The following PTK2B variants were observed in gnomAD, a reference collection of about 807,000 sequenced individuals.
PTK2B encodes protein tyrosine kinase 2 beta.
In PTK2B, 71 loss-of-function variants were observed where a neutral mutation model predicts 142.9. The ratio of observed to expected loss-of-function variants is 0.50; its 90% CI spans 0.41 to 0.61. PTK2B has a LOEUF of 0.61. Among genes scored for constraint, PTK2B ranks in the 20% least tolerant of loss-of-function variants. PTK2B has a pLI of 0.00. For synonymous variants in PTK2B, 519 were observed against 503.4 expected (o/e 1.03, Z -0.42); for missense variants, 1,105 against 1,320.4 (o/e 0.84, Z 2.53).
At chr8:27,436,188 T>G in intron 14 of PTK2B, 63 bp from the exon 15 acceptor site, 1 of 1,521,274 alleles carries the variant, frequency 6.6e-7, no homozygotes, top group Non-Finnish European at 9.1e-7. Flanking sequence ...CTGCAGACAC[T>G]CAGGTTCCCT....
intron 1 of PTK2B, among the ~76,000 whole-genome samples, chr8:27,366,793 T>C (rs939787093): frequency 1.3e-5 from 2 of 150,868 alleles, no homozygotes; most frequent in African/African-American, 2.4e-5. Flanking sequence ...AAGGGGTGTT[T>C]GTGGCTGTGT....
In PTK2B at chr8:27,451,512, G is replaced by A; in HGVS notation, c.2548+3G>A. On this transcript the variant is annotated splice_donor_region_variant and intron_variant, in intron 27 of 30. Transcript: ENST00000346049. ...GCCAGAGAAGGAGGTCGGCTACCGT[G>A]AGTGTTCCCGCCCTTCTTCGGGGGG... 6.2e-7 allele frequency: 1 copy of A among 1,614,182 alleles called. No homozygotes were observed. The highest frequency in any genetic ancestry group is 8.5e-7 in the Non-Finnish European group (1 of 1,180,028).
At chr8:27,364,077 G>GCTGCAT (rs1369589355) in intron 1 of PTK2B, among the ~76,000 whole-genome samples, 1 of 152,210 alleles carries the variant, frequency 6.6e-6, no homozygotes, top group Admixed American at 6.5e-5. Context: ...CGCTGAAACA[G>GCTGCAT]CTGCATCAGC....
chr8:27,398,769 G>A (rs1808211647), intron 2 of PTK2B, among the ~76,000 whole-genome samples: 1 of 152,224 alleles, frequency 6.6e-6, no homozygotes, highest in African/African-American at 2.4e-5. Context: ...GAAAGCCAGT[G>A]TCCCTAAACT....
intron 1 of PTK2B, among the ~76,000 whole-genome samples, chr8:27,391,178 GCTCCGT>G (rs1239427458): frequency 6.6e-6 from 1 of 151,440 alleles, no homozygotes; most frequent in Non-Finnish European, 1.5e-5. Context: ...CTCACTGCAA[GCTCCGT>G]CTCCCGGGTT....
intron 1 of PTK2B, among the ~76,000 whole-genome samples, chr8:27,342,601 A>G (rs1804471320): frequency 6.6e-6 from 1 of 152,060 alleles, no homozygotes; most frequent in South Asian, 2.1e-4. Context: ...CAGGCTTCCT[A>G]AATTCCCACC....
chr8:27,349,831 A>T (rs1043014800), intron 1 of PTK2B, among the ~76,000 whole-genome samples: 2 of 152,222 alleles, frequency 1.3e-5, no homozygotes, highest in Non-Finnish European at 2.9e-5. Context: ...TGACAAACTG[A>T]GAGGTGATGG....
intron 1 of PTK2B, among the ~76,000 whole-genome samples, chr8:27,344,881 TAGGGAGAG>T (rs1242950811): frequency 6.6e-6 from 1 of 151,814 alleles, no homozygotes; most frequent in Admixed American, 6.6e-5. Flanking sequence ...AGAAGAGTAT[TAGGGAGAG>T]AGGCCGGGCA....
chr8:27,414,789 C>T (rs541265934), intron 2 of PTK2B, among the ~76,000 whole-genome samples: 54 of 152,078 alleles, frequency 3.6e-4, no homozygotes, highest in Non-Finnish European at 6.6e-4. Flanking sequence ...TGCTCACTCC[C>T]CCCTTTGGTT....
chr8:27,431,975 G>A (rs528870369), intron 9 of PTK2B: 1 of 367,592 alleles, frequency 2.7e-6, no homozygotes, highest in East Asian at 4.3e-5. Flanking sequence ...CTTAAAACAT[G>A]TTGAGATTTT....
intron 2 of PTK2B, among the ~76,000 whole-genome samples, chr8:27,410,294 A>G (rs978728122): frequency 2.0e-5 from 3 of 152,190 alleles, no homozygotes; most frequent in African/African-American, 7.2e-5. Context: ...GATGGGGCAG[A>G]GGAAAAAGTT....
intron 1 of PTK2B, among the ~76,000 whole-genome samples, chr8:27,358,954 A>G (rs982051983): frequency 6.6e-6 from 1 of 152,174 alleles, no homozygotes; most frequent in Non-Finnish European, 1.5e-5. Flanking sequence ...GAAGGATTTT[A>G]TGGCACTTTG....
rs1812304671 is a variant in PTK2B, at chr8:27,458,588, G to A, written c.*79G>A. 6.9e-7 allele frequency: 1 copy of A among 1,448,974 alleles called. No homozygotes were observed. Among genetic ancestry groups the A allele is most frequent in the Non-Finnish European group, 9.3e-7 (1 of 1,071,624 alleles). The allele number at this position is 1,448,974 out of a possible 1,614,324, so 89.8% of individuals were successfully genotyped here. A position where few individuals can be genotyped will look rare whatever the true frequency, so the allele number is the denominator to read the frequency against. On this transcript the variant is annotated 3_prime_UTR_variant, in exon 31 of 31. Transcript: ENST00000346049. The stretch of plus-strand genomic sequence containing the variant: ...CCCCTGCCTTGCTGTTGGTCATGTG[G>A]GTCTTCCAGGGGGAAGGCCAAGGGG...
Position 27,440,317 on chromosome 8 carries a change from G to A in PTK2B, c.1915G>A (p.Glu639Lys). ...GAACAAGGATGTCATCGGGGTGCTG[G>A]AGAAAGGAGACCGGCTGCCCAAGCC... ...LENKDVIGVL[E>K]KGDRLPKPDL... The change falls in exon 21 of 31, where the codon GAG (glutamate) becomes AAG (lysine). Residue 639 changes from glutamate to lysine, a missense_variant. Coordinates refer to ENST00000346049, the MANE Select transcript of PTK2B (RefSeq NM_173176.3). The A allele has an allele frequency of 6.2e-7, 1 of 1,614,174 alleles. No individual in the cohort carries two copies. The highest frequency in any genetic ancestry group is 1.1e-5 in the South Asian group (1 of 91,080).
chr8:27,397,514 C>T, intron 1 of PTK2B, 34 bp from the exon 2 acceptor site: 1 of 1,535,544 alleles, frequency 6.5e-7, no homozygotes, highest in Non-Finnish European at 9.0e-7. Flanking sequence ...CTGTGTGGGG[C>T]TCTTTCAGGG....
At chr8:27,333,041 G>C (rs553663234) in intron 1 of PTK2B, among the ~76,000 whole-genome samples, 38 of 152,378 alleles carry the variant, frequency 2.5e-4, no homozygotes, top group African/African-American at 9.1e-4. Flanking sequence ...TTGCAGGGCA[G>C]AGATTCCTTC....
chr8:27,313,119 C>A (rs1475069711), intron 2 of PTK2B: 1 of 152,212 alleles, frequency 6.6e-6, no homozygotes, highest in Non-Finnish European at 1.5e-5. Flanking sequence ...CCATGCTGTT[C>A]TCCTGATAGT....
chr8:27,454,716 A>C, intron 30 of PTK2B, 105 bp downstream of exon 30: 1 of 1,199,926 alleles, frequency 8.3e-7, no homozygotes. Context: ...ATGTCTGTCC[A>C]CTGAGTCCCC....
chr8:27,359,152 G>A (rs1261167274), intron 1 of PTK2B, among the ~76,000 whole-genome samples: 8 of 152,088 alleles, frequency 5.3e-5, no homozygotes, highest in Admixed American at 5.2e-4. Flanking sequence ...GTCTTGCTCT[G>A]TCACCCAGGC....
Sources: allele counts gnomAD v4.1 joint callset (sites outside exome capture counted in the v4.1 genomes callset), GRCh38; gene constraint gnomAD v4.1.1; transcripts MANE v1.5; gene names NCBI Gene and HGNC (gene_info 2026-07-23, HGNC 2026-07-21).